Variants in GRID1 observed in about 807,000 individuals in gnomAD.
GRID1 encodes the protein glutamate ionotropic receptor delta type subunit 1.
Under a neutral mutation model 98.0 loss-of-function variants are expected in GRID1, and 28 were observed. The observed-to-expected ratio is 0.29, with a 90% CI of 0.21 to 0.39. The LOEUF (loss-of-function observed/expected upper bound fraction) is 0.39. Among genes scored for constraint, GRID1 ranks in the 10% least tolerant of loss-of-function variants. GRID1 has a pLI of 1.00. For missense variants in GRID1, 1,111 were observed against 1,340.5 expected, an observed-to-expected ratio of 0.83 and a Z score of 2.67; for synonymous variants, 553 against 538.5, an observed-to-expected ratio of 1.03 and a Z score of -0.37.
intron 5 of GRID1, among the ~76,000 whole-genome samples, chr10:85,873,667 A>G (rs1007547737): frequency 7.2e-5 from 11 of 152,190 alleles, no homozygotes; most frequent in Non-Finnish European, 1.5e-4. Context: ...CGTAACCCAA[A>G]TAACATACAG....
At chr10:85,766,730 T>TCGTG (rs71487230) in intron 8 of GRID1, among the ~76,000 whole-genome samples, 1 of 138,352 alleles carries the variant, frequency 7.2e-6, no homozygotes, top group Non-Finnish European at 1.6e-5. Flanking sequence ...AGGCAGATGA[T>TCGTG]TGTGTGTGTG....
At chr10:86,179,381 C>T (rs1056122509) in intron 3 of GRID1, among the ~76,000 whole-genome samples, 1 of 152,170 alleles carries the variant, frequency 6.6e-6, no homozygotes, top group Non-Finnish European at 1.5e-5. Context: ...TTCTCTGAGG[C>T]TCTCCCCGAT....
At chr10:85,992,719 G>C (rs1201682663) in intron 4 of GRID1, among the ~76,000 whole-genome samples, 1 of 152,168 alleles carries the variant, frequency 6.6e-6, no homozygotes, top group Non-Finnish European at 1.5e-5. Flanking sequence ...GGAAGCTGAG[G>C]CAGGAAGAGT....
intron 8 of GRID1, among the ~76,000 whole-genome samples, chr10:85,844,089 GA>G (rs1298089884): frequency 2.8e-4 from 43 of 152,140 alleles, no homozygotes; most frequent in African/African-American, 9.6e-4. Context: ...ATAAAAGAGA[GA>G]AACTCTTGAC....
intron 12 of GRID1, among the ~76,000 whole-genome samples, chr10:85,663,847 G>A (rs1266101342): frequency 6.6e-6 from 1 of 152,176 alleles, no homozygotes; most frequent in East Asian, 1.9e-4. Context: ...CATTATGTTG[G>A]TTACAAGGTA....
At chr10:85,655,684 G>T (rs1435291582) in intron 12 of GRID1, among the ~76,000 whole-genome samples, 1 of 152,084 alleles carries the variant, frequency 6.6e-6, no homozygotes, top group African/African-American at 2.4e-5. Flanking sequence ...ATGACTCTCA[G>T]ACAATGAGGC....
rs114159674 is a variant in GRID1 at position 86,189,744 on chromosome 10, A to C, written c.520+16620T>G. Among the ~76,000 whole-genome samples the C allele has an allele frequency of 9.4e-3, 1,429 of 152,214 alleles. 20 individuals are homozygous for C. Among genetic ancestry groups the C allele is most frequent in the African/African-American group, 0.033 (1,372 of 41,510 alleles). On this transcript the variant is annotated intron_variant, in intron 3 of 15. Transcript: ENST00000327946. ...CTGGCCTCTACCCACTGAGGCCACT[A>C]GTACTCCTCCCTATCCCCTGTTATG... is the stretch of plus-strand genomic sequence containing the variant.
chr10:85,727,286 G>C (rs934351535), intron 10 of GRID1, among the ~76,000 whole-genome samples: 1 of 152,152 alleles, frequency 6.6e-6, no homozygotes, highest in African/African-American at 2.4e-5. Context: ...AATAATCATG[G>C]GGAAATGACC....
At chr10:86,080,372 AAAAGG>A (rs199952293) in intron 4 of GRID1, among the ~76,000 whole-genome samples, 37 of 109,764 alleles carry the variant, frequency 3.4e-4, no homozygotes, top group African/African-American at 7.9e-4. Context: ...AAGAGAGAGA[AAAAGG>A]AAAGGAAAGG....
intron 8 of GRID1, among the ~76,000 whole-genome samples, chr10:85,771,721 A>C (rs187344381): frequency 6.8e-4 from 104 of 152,366 alleles, no homozygotes; most frequent in Non-Finnish European, 1.2e-3. Flanking sequence ...AAAAGAGACA[A>C]AGGCGGCCAT....
intron 12 of GRID1, among the ~76,000 whole-genome samples, chr10:85,722,720 T>C (rs1841717216): frequency 6.6e-6 from 1 of 152,218 alleles, no homozygotes; most frequent in African/African-American, 2.4e-5. Flanking sequence ...TAATCAATGT[T>C]TAAATGTCTG....
rs533709998 is a variant in GRID1 at position 86,132,097 on chromosome 10, C to T, written c.726+6722G>A. Among the ~76,000 whole-genome samples the T allele has an allele frequency of 4.6e-5, 7 of 152,270 alleles. No homozygotes were observed. In the South Asian group the frequency reaches 1.5e-3, roughly 32 times the overall value. Reference sequence around the variant, plus strand: ...GCAGGCTCTGAGGGATGTGACAGTGCTGTCATGGAGAGGGGACAGTGGACT... The same window carrying T: ...GCAGGCTCTGAGGGATGTGACAGTGTTGTCATGGAGAGGGGACAGTGGACT... On this transcript the variant is annotated intron_variant, in intron 4 of 15. Transcript: ENST00000327946.
chr10:85,808,700 A>T (rs1358398286), intron 8 of GRID1, among the ~76,000 whole-genome samples: 2 of 152,204 alleles, frequency 1.3e-5, no homozygotes, highest in East Asian at 3.8e-4. Context: ...TCATACCTCA[A>T]TAGGACCAAG....
intron 2 of GRID1, among the ~76,000 whole-genome samples, chr10:86,223,751 C>T (rs895036859): frequency 2.6e-5 from 4 of 152,242 alleles, no homozygotes; most frequent in Non-Finnish European, 5.9e-5. Flanking sequence ...ACTGAGGTAG[C>T]ACAGACAGCA....
At chr10:86,266,493 A>G (rs1352612963) in intron 2 of GRID1, among the ~76,000 whole-genome samples, 2 of 152,128 alleles carry the variant, frequency 1.3e-5, no homozygotes, top group African/African-American at 4.8e-5. Context: ...CCCTGCCCTA[A>G]TCTGGTTCGA....
In GRID1 at chr10:85,856,131, C is replaced by A; in HGVS notation, c.1011G>T (p.Lys337Asn). ...TGCTATGCCACTTCCGGTCCTCCAGCTTCCTGTGAAAGGCGTTGGCCAGCA... is the reference window on the plus strand; with the variant it reads ...TGCTATGCCACTTCCGGTCCTCCAGATTCCTGTGAAAGGCGTTGGCCAGCA... The part of the protein sequence containing the change: ...VLMLANAFHR[K>N]LEDRKWHSMA... The change falls in exon 7 of 16, where the codon AAG becomes AAT. Residue 337 changes from lysine to asparagine, a missense_variant. This residue lies in a region of GRID1 where 3 missense variants were observed against 19.0 expected (regional missense o/e 0.16). Transcript: ENST00000327946. 1 of 1,614,156 alleles carries A rather than the reference C, an allele frequency of 6.2e-7. No individual in the cohort carries two copies. Among genetic ancestry groups the A allele is most frequent in the Non-Finnish European group, 8.5e-7 (1 of 1,179,986 alleles).
chr10:85,645,014 T>TA (rs573907523), intron 13 of GRID1, among the ~76,000 whole-genome samples: 1 of 152,264 alleles, frequency 6.6e-6, no homozygotes, highest in Non-Finnish European at 1.5e-5. Flanking sequence ...GAGCTTTTCT[T>TA]ATTAATATAT....
intron 8 of GRID1, among the ~76,000 whole-genome samples, chr10:85,847,113 G>A (rs1327552143): frequency 6.6e-6 from 1 of 152,116 alleles, no homozygotes; most frequent in African/African-American, 2.4e-5. Flanking sequence ...AAAACAAAAT[G>A]ATATAAAATA....
intron 2 of GRID1, among the ~76,000 whole-genome samples, chr10:86,299,131 C>A (rs1847641317): frequency 6.6e-6 from 1 of 152,026 alleles, no homozygotes; most frequent in Non-Finnish European, 1.5e-5. Context: ...TACAACCAAT[C>A]CTGCCTGCCT....
Sources: gnomAD v4.1 joint callset for allele counts (sites outside exome capture counted in the v4.1 genomes callset) on GRCh38, gnomAD v4.1.1 for gene constraint, gnomAD v4.1.1 regional missense constraint, MANE v1.5 for transcripts, NCBI Gene and HGNC (gene_info 2026-07-23, HGNC 2026-07-21) for gene names.